FAM178B: variants seen among roughly 807,000 people sequenced by gnomAD.
The protein encoded by FAM178B is protein FAM178B.
Under a neutral mutation model 91.7 loss-of-function variants are expected in FAM178B, and 82 were observed. The observed-to-expected ratio is 0.89, with a 90% CI of 0.75 to 1.07. The LOEUF (loss-of-function observed/expected upper bound fraction) is 1.07, where lower values mean the gene tolerates loss of function less well. Among genes scored for constraint, FAM178B ranks in the 50% least tolerant of loss-of-function variants. The probability of loss-of-function intolerance (pLI) is 0.00; values close to 1 mark genes in which losing one functional copy is unlikely to be tolerated. For synonymous variants in FAM178B, 368 were observed against 359.4 expected (o/e 1.02, Z -0.27); for missense variants, 769 against 846.7 (o/e 0.91, Z 1.14).
At chr2:96,953,261 G>A (rs1461380326) in intron 6 of FAM178B, among the ~76,000 whole-genome samples, 2 of 152,164 alleles carry the variant, frequency 1.3e-5, no homozygotes, top group Non-Finnish European at 2.9e-5. Context: ...CCAGCAAGAC[G>A]CATGGTTCAA....
At chr2:96,925,169 G>A (rs2081415922) in intron 9 of FAM178B, among the ~76,000 whole-genome samples, 1 of 152,182 alleles carries the variant, frequency 6.6e-6, no homozygotes, top group African/African-American at 2.4e-5. Context: ...ATAGGTGGGT[G>A]TGCTTTCAGG....
intron 12 of FAM178B, among the ~76,000 whole-genome samples, chr2:96,905,832 A>ATGTATATG: frequency 3.9e-5 from 1 of 25,838 alleles, no homozygotes; most frequent in East Asian, 7.7e-4. Context: ...ATATATATAT[A>ATGTATATG]TATATATATA....
intron 6 of FAM178B, chr2:96,951,733 T>G: frequency 4.9e-6 from 2 of 409,342 alleles, no homozygotes; most frequent in Middle Eastern, 7.5e-4. Flanking sequence ...TTAAAACACA[T>G]GGCGGGTGGC....
At chr2:96,901,044 T>C (rs1005764827) in intron 13 of FAM178B, among the ~76,000 whole-genome samples, 3 of 152,120 alleles carry the variant, frequency 2.0e-5, no homozygotes, top group Non-Finnish European at 4.4e-5. Flanking sequence ...TCAACCTCCC[T>C]TCCATCCATC....
chr2:96,967,042 T>TG (rs1230509536), intron 5 of FAM178B, among the ~76,000 whole-genome samples: 1 of 152,164 alleles, frequency 6.6e-6, no homozygotes, highest in African/African-American at 2.4e-5. Flanking sequence ...GTTGTGGCCC[T>TG]GGGCATCTCT....
At chr2:96,918,026 C>T (rs1417916137) in intron 12 of FAM178B, among the ~76,000 whole-genome samples, 1 of 151,974 alleles carries the variant, frequency 6.6e-6, no homozygotes, top group African/African-American at 2.4e-5. Flanking sequence ...AGAAAGCACA[C>T]TATCTTTATG....
chr2:96,905,996 G>A (rs1329077209), intron 12 of FAM178B, among the ~76,000 whole-genome samples: 1 of 129,006 alleles, frequency 7.8e-6, no homozygotes, highest in Non-Finnish European at 1.6e-5. Flanking sequence ...CTCAGCCTCC[G>A]GAGTAGCTGG....
At chr2:96,953,222 G>A (rs1559093858) in intron 6 of FAM178B, among the ~76,000 whole-genome samples, 1 of 152,160 alleles carries the variant, frequency 6.6e-6, no homozygotes, top group Non-Finnish European at 1.5e-5. Context: ...CCACGTGCCC[G>A]GTCACATGGA....
intron 12 of FAM178B, among the ~76,000 whole-genome samples, chr2:96,920,305 C>T (rs921024495): frequency 2.0e-5 from 3 of 152,106 alleles, no homozygotes; most frequent in African/African-American, 7.2e-5. Flanking sequence ...TTCATTCATT[C>T]GAAAAGAATT....
chr2:96,905,146 T>C (rs989078433), intron 12 of FAM178B, among the ~76,000 whole-genome samples: 3 of 152,240 alleles, frequency 2.0e-5, no homozygotes, highest in South Asian at 2.1e-4. Context: ...TGATCATGTT[T>C]CATTTCTTGA....
chr2:96,982,465 A>G (rs2082374529), intron 1 of FAM178B, among the ~76,000 whole-genome samples: 2 of 151,928 alleles, frequency 1.3e-5, no homozygotes, highest in East Asian at 1.9e-4. Flanking sequence ...GTTTCACCAT[A>G]TTACCCAGGC....
At chr2:96,945,642 TCA>T (rs1174704484) in intron 8 of FAM178B, among the ~76,000 whole-genome samples, 20 of 152,208 alleles carry the variant, frequency 1.3e-4, no homozygotes, top group Admixed American at 1.3e-3. Flanking sequence ...TGCTGTCCTC[TCA>T]GACACTCAGA....
rs772033104 is a variant in FAM178B at position 96,902,642 on chromosome 2, G to C, written c.1628C>G (p.Pro543Arg). ...ARMLGQQEML[P>R]LWQEKTQLSS... ...CACCTGGGTCTTCTCTTGCCAGAGA[G>C]GGAGCATCTCCTGCTGGCCCAGCAT... The change falls in exon 13 of 17, where the codon CCT (proline) becomes CGT (arginine). Residue 543 changes from proline to arginine, a missense_variant. By Grantham distance (103) the Pro-to-Arg change is moderately radical. Coordinates refer to ENST00000490605, the MANE Select transcript of FAM178B (RefSeq NM_001122646.3). The C allele has an allele frequency of 6.4e-7, 1 of 1,550,858 alleles. No homozygotes were observed. Among genetic ancestry groups the C allele is most frequent in the Admixed American group, 2.0e-5 (1 of 50,992 alleles).
intron 14 of FAM178B, among the ~76,000 whole-genome samples, chr2:96,889,251 G>A (rs986729937): frequency 2.0e-5 from 3 of 152,180 alleles, no homozygotes; most frequent in South Asian, 2.1e-4. Flanking sequence ...CATACAATGG[G>A]AAATAATTAA....
chr2:96,931,536 C>G (rs2081539221), intron 8 of FAM178B, among the ~76,000 whole-genome samples: 1 of 152,100 alleles, frequency 6.6e-6, no homozygotes, highest in Non-Finnish European at 1.5e-5. Context: ...AAGACGGAGG[C>G]AGGGCAGCAC....
intron 1 of FAM178B, 137 bp downstream of exon 1, chr2:96,986,103 GA>G (rs1160210151): frequency 6.9e-7 from 1 of 1,453,230 alleles, no homozygotes; most frequent in Admixed American, 2.5e-5. Flanking sequence ...GCAGGAACCT[GA>G]AAAGCGCCAG....
intron 8 of FAM178B, among the ~76,000 whole-genome samples, chr2:96,932,278 C>G (rs918229181): frequency 9.2e-5 from 14 of 152,228 alleles, no homozygotes; most frequent in African/African-American, 3.4e-4. Context: ...CCCTTCTCCC[C>G]TCTCCTACCC....
chr2:96,878,342 G>A, intron 15 of FAM178B, 74 bp downstream of exon 15: 2 of 1,445,340 alleles, frequency 1.4e-6, no homozygotes, highest in East Asian at 2.3e-5. Flanking sequence ...CGCCATCCCA[G>A]CCAACCCCCG....
intron 1 of FAM178B, among the ~76,000 whole-genome samples, chr2:96,976,274 T>C (rs1401417498): frequency 6.6e-6 from 1 of 151,594 alleles, no homozygotes; most frequent in Non-Finnish European, 1.5e-5. Context: ...TTTGTATTTT[T>C]AGTAGAGATG....
Sources: allele counts gnomAD v4.1 joint callset (sites outside exome capture counted in the v4.1 genomes callset), GRCh38; gene constraint gnomAD v4.1.1; transcripts MANE v1.5; gene names NCBI Gene and HGNC (gene_info 2026-07-23, HGNC 2026-07-21).